The following ADK variants were observed in gnomAD, a reference collection of about 807,000 sequenced individuals.
ADK encodes the protein N6,N6-dimethyladenosine kinase.
A neutral mutation model predicts 44.7 loss-of-function variants in ADK; 24 were observed. That is an observed-to-expected ratio of 0.54 (90% CI 0.39 to 0.76). The LOEUF is 0.76. ADK is among the 30% of genes least tolerant of loss of function. The pLI is 0.00. For synonymous variants in ADK, 128 were observed against 142.6 expected (o/e 0.90, Z 0.73); for missense variants, 321 against 425.1 (o/e 0.76, Z 2.15).
chr10:74,334,019 A>G lies in ADK; in HGVS notation c.273+19274A>G, dbSNP rs536772905. Among the ~76,000 whole-genome samples the G allele has an allele frequency of 2.0e-4, 30 of 152,258 alleles. No homozygotes were observed. The South Asian group carries it at 2.7e-3, about 14-fold the overall frequency. ...TTTTTCCATTTTAAAATTAAGTTAT[A>G]ATTTATATACAAAAAAGTGATCTTT... On this transcript the variant is annotated intron_variant, in intron 4 of 10. Transcript: ENST00000539909.
chr10:74,459,714 C>T (rs1428184706), intron 6 of ADK, among the ~76,000 whole-genome samples: 1 of 105,792 alleles, frequency 9.5e-6, no homozygotes, highest in Non-Finnish European at 1.8e-5. Context: ...GGCAATAGAG[C>T]AAGACTCCAT....
At chr10:74,680,719 T>C (rs1855575342) in intron 10 of ADK, among the ~76,000 whole-genome samples, 1 of 152,176 alleles carries the variant, frequency 6.6e-6, no homozygotes, top group Non-Finnish European at 1.5e-5. Context: ...ACATAACCTC[T>C]GATGTTTTAA....
intron 3 of ADK, among the ~76,000 whole-genome samples, chr10:74,232,552 C>G (rs1446560768): frequency 2.2e-5 from 3 of 134,702 alleles, no homozygotes; most frequent in Admixed American, 7.4e-5. Flanking sequence ...CCCCGCACCC[C>G]CCCCCCCCAA....
intron 9 of ADK, among the ~76,000 whole-genome samples, chr10:74,647,873 TTAAG>T (rs1321178909): frequency 1.3e-5 from 2 of 152,286 alleles, no homozygotes; most frequent in African/African-American, 2.4e-5. Context: ...TTGATACTAA[TTAAG>T]TAAGTCTAAA....
chr10:74,208,261 C>T (rs1843676603), intron 2 of ADK, among the ~76,000 whole-genome samples: 2 of 152,260 alleles, frequency 1.3e-5, no homozygotes, highest in Admixed American at 1.3e-4. Flanking sequence ...GGTGGGGCTC[C>T]AGCCCTGCCA....
intron 6 of ADK, among the ~76,000 whole-genome samples, chr10:74,423,154 A>G (rs1844628238): frequency 6.6e-6 from 1 of 152,230 alleles, no homozygotes; most frequent in Non-Finnish European, 1.5e-5. Flanking sequence ...AAGGAAAAGT[A>G]GGAGAGCAAT....
intron 6 of ADK, among the ~76,000 whole-genome samples, chr10:74,508,952 A>G (rs188972564): frequency 1.3e-5 from 2 of 152,272 alleles, no homozygotes; most frequent in Non-Finnish European, 2.9e-5. Context: ...AGAAACACAC[A>G]TTTTTATTTT....
intron 6 of ADK, among the ~76,000 whole-genome samples, chr10:74,480,206 TTTTC>T (rs71024511): frequency 4.1e-4 from 59 of 142,644 alleles, no homozygotes; most frequent in African/African-American, 1.3e-3. Flanking sequence ...GGCAGCCTAA[TTTTC>T]TTTCTTTCTT....
chr10:74,635,879 T>C (rs1280104283), intron 9 of ADK, among the ~76,000 whole-genome samples: 3 of 151,174 alleles, frequency 2.0e-5, no homozygotes, highest in African/African-American at 2.4e-5. Context: ...AGGCCAGGGA[T>C]TGGAGACCAA....
At chr10:74,346,134 T>C (rs2131888976) in intron 4 of ADK, among the ~76,000 whole-genome samples, 1 of 152,330 alleles carries the variant, frequency 6.6e-6, no homozygotes, top group Non-Finnish European at 1.5e-5. Flanking sequence ...TCAGGTGATC[T>C]ACCTGACTCA....
intron 6 of ADK, among the ~76,000 whole-genome samples, chr10:74,416,067 TATATG>T (rs1564709399): frequency 1.3e-5 from 2 of 148,426 alleles, no homozygotes; most frequent in Non-Finnish European, 3.0e-5. Context: ...CACACACACA[TATATG>T]TAATGCTACC....
At chr10:74,300,278 C>G (rs1233721357) in intron 3 of ADK, among the ~76,000 whole-genome samples, 14 of 56,272 alleles carry the variant, frequency 2.5e-4, no homozygotes, top group African/African-American at 8.7e-4. Context: ...TTCCTTCCTT[C>G]CTTCCTTCCT....
intron 9 of ADK, among the ~76,000 whole-genome samples, chr10:74,660,795 A>G (rs923561769): frequency 2.1e-4 from 31 of 148,782 alleles, no homozygotes; most frequent in African/African-American, 7.5e-4. Flanking sequence ...GCACTTTGGG[A>G]GGCCAAGGCA....
intron 6 of ADK, among the ~76,000 whole-genome samples, chr10:74,423,284 T>A (rs1264438267): frequency 6.6e-6 from 1 of 152,220 alleles, no homozygotes; most frequent in Non-Finnish European, 1.5e-5. Context: ...CTCTGGCCTG[T>A]GATCAAAATT....
At chr10:74,632,096 G>C (rs555875600) in intron 9 of ADK, among the ~76,000 whole-genome samples, 234 of 151,924 alleles carry the variant, frequency 1.5e-3, no homozygotes, top group Non-Finnish European at 2.9e-3. Flanking sequence ...CCCAGAAACT[G>C]TCTCTCTCCA....
intron 2 of ADK, among the ~76,000 whole-genome samples, chr10:74,216,833 T>G (rs1326238856): frequency 1.3e-5 from 2 of 152,336 alleles, no homozygotes; most frequent in East Asian, 1.9e-4. Context: ...TATAGTTTCA[T>G]TCACAATAGG....
chr10:74,495,633 G>A (rs1847658109), intron 6 of ADK, among the ~76,000 whole-genome samples: 1 of 152,154 alleles, frequency 6.6e-6, no homozygotes, highest in Non-Finnish European at 1.5e-5. Context: ...CCTGTTCTTA[G>A]TTCAGCACTT....
intron 6 of ADK, among the ~76,000 whole-genome samples, chr10:74,505,103 G>T (rs1848013953): frequency 6.6e-6 from 1 of 152,080 alleles, no homozygotes; most frequent in Non-Finnish European, 1.5e-5. Flanking sequence ...AAATGATGAA[G>T]GAGGTGGAAA....
chr10:74,615,794 C>T (rs1852734101), intron 9 of ADK, among the ~76,000 whole-genome samples: 1 of 152,086 alleles, frequency 6.6e-6, no homozygotes, highest in Non-Finnish European at 1.5e-5. Context: ...CTGCAATCTC[C>T]ACCTCCTGGG....
Sources: gnomAD v4.1 joint callset for allele counts (sites outside exome capture counted in the v4.1 genomes callset) on GRCh38, gnomAD v4.1.1 for gene constraint, MANE v1.5 for transcripts, NCBI Gene and HGNC (gene_info 2026-07-23, HGNC 2026-07-21) for gene names.